Variants in DRC7 observed in about 807,000 individuals in gnomAD.
DRC7 encodes the protein dynein regulatory complex subunit 7.
A neutral mutation model predicts 104.4 loss-of-function variants in DRC7; 80 were observed. That is an observed-to-expected ratio of 0.77 (90% confidence interval 0.64 to 0.92). The LOEUF is 0.92. DRC7 is among the 40% of genes least tolerant of loss of function. The pLI is 0.00. For missense variants in DRC7, 1,034 were observed against 1,141.1 expected (o/e 0.91, Z 1.35); for synonymous variants, 405 against 447.3 (o/e 0.91, Z 1.19).
chr16:57,703,754 C>T lies in DRC7; in HGVS notation c.700-1122C>T, dbSNP rs150441500. ...GGCTGAGGCAAGTGGACCACTTGAG[C>T]GCAGGAGTTCCAGACCAGCCTGGCC... On this transcript the variant is annotated intron_variant, in intron 6 of 18. Coordinates refer to ENST00000360716, the MANE Select transcript of DRC7 (RefSeq NM_001289162.2). Among the ~76,000 whole-genome samples, 305 of 152,098 alleles carry T rather than the reference C, an allele frequency of 2.0e-3. 1 individual carries two copies. Among genetic ancestry groups the T allele is most frequent in the African/African-American group, 6.9e-3 (288 of 41,510 alleles).
chr16:57,726,953 G>A lies in DRC7; in HGVS notation c.2085+11G>A, dbSNP rs766727134. ...GAGTCAGAGCTGGAGGTAGGGTCCT[G>A]TGGGAGAGTGAGCAGGTGGGCGGTA... On this transcript the variant is annotated intron_variant, in intron 15 of 18. Coordinates refer to ENST00000360716, the MANE Select transcript of DRC7 (RefSeq NM_001289162.2). 15 of 1,534,456 alleles carry A rather than the reference G, an allele frequency of 9.8e-6. No homozygotes were observed. The highest frequency in any genetic ancestry group is 1.4e-5 in the Non-Finnish European group (15 of 1,109,296).
intron 13 of DRC7, chr16:57,725,667 C>CT (rs1351744918): frequency 1.0e-5 from 2 of 193,926 alleles, no homozygotes; most frequent in Non-Finnish European, 2.1e-5. Context: ...GTATTACCCA[C>CT]TTAACATGAA....
At chr16:57,726,011 A>G (rs1313752193) in intron 13 of DRC7, 57 bp from the exon 14 acceptor site, 2 of 1,490,574 alleles carry the variant, frequency 1.3e-6, no homozygotes, top group Non-Finnish European at 1.8e-6. Context: ...GCATGCACAG[A>G]AATCTCCTCT....
rs766924177 is a variant in DRC7 at position 57,698,863 on chromosome 16, G to C, written c.217G>C (p.Asp73His). Reference sequence around the variant, plus strand: ...GTTGTGGCACAGGGCCTTTACCAAGGACACTATTGACATCTCCAAGCTGCC... The same window carrying C: ...GTTGTGGCACAGGGCCTTTACCAAGCACACTATTGACATCTCCAAGCTGCC... ...VSAELPAFTK[D>H]TIDISKLPIS... Residue 73 changes from aspartate (D) to histidine (H), a missense_variant, in exon 4 of 19, where the codon GAC (aspartate) becomes CAC (histidine). Coordinates refer to ENST00000360716, the MANE Select transcript of DRC7 (RefSeq NM_001289162.2). The C allele has an allele frequency of 7.4e-6, 12 of 1,613,816 alleles. No homozygotes were observed. In the African/African-American group the frequency reaches 9.3e-5, roughly 13 times the overall value.
At chr16:57,704,376 T>TACACACAC (rs55873452) in intron 6 of DRC7, among the ~76,000 whole-genome samples, 2,178 of 149,068 alleles carry the variant, frequency 0.015, 49 homozygotes, top group African/African-American at 0.047. Flanking sequence ...CACGCAAGCG[T>TACACACAC]ACACACACAC....
At chr16:57,699,127 G>A (rs146700123) in intron 4 of DRC7, 103 bp downstream of exon 4, 8 of 1,382,062 alleles carry the variant, frequency 5.8e-6, no homozygotes, top group Admixed American at 2.0e-5. Flanking sequence ...GCCAAATCAC[G>A]GACCTCCTGT....
In DRC7 at chr16:57,722,744, G is replaced by A. The variant is rs1474130639; in HGVS notation, c.1311G>A (p.Lys437=). Reference sequence around the variant, plus strand: ...AGACCCGCTGCCCGAACGGGAAGAAGGTGATTCAGTACAAGAGGGCAAAGC... The same window carrying A: ...AGACCCGCTGCCCGAACGGGAAGAAAGTGATTCAGTACAAGAGGGCAAAGC... The part of the protein sequence containing the change: ...AFETRCPNGK[K]VIQYKRAKLE... Residue 437 remains lysine, a synonymous_variant, in exon 11 of 19, where the codon AAG becomes AAA. Transcript: ENST00000360716. 1.9e-6 allele frequency: 3 copies of A among 1,613,754 alleles called. No individual in the cohort carries two copies. Among genetic ancestry groups the A allele is most frequent in the Non-Finnish European group, 2.5e-6 (3 of 1,180,022 alleles).
At chr16:57,698,308 G>A (rs1360958946) in intron 3 of DRC7, among the ~76,000 whole-genome samples, 156 bp downstream of exon 3, 2 of 152,126 alleles carry the variant, frequency 1.3e-5, no homozygotes, top group Non-Finnish European at 2.9e-5. Flanking sequence ...GGCCTGGGCC[G>A]AGTGTCCATG....
Position 57,721,647 on chromosome 16 carries a change from AC to A in DRC7, c.1207-15del. 6.3e-7 allele frequency: 1 copy of A among 1,596,740 alleles called. No homozygotes were observed. The highest frequency in any genetic ancestry group is 1.3e-5 in the African/African-American group (1 of 74,164). On this transcript the variant is annotated intron_variant, in intron 9 of 18. Transcript: ENST00000360716. The stretch of plus-strand genomic sequence containing the variant: ...CACCCTGACCAGCACCACCTCCCCC[AC>A]CCCCTTCTCTCCCATCAGGGCAAGG...
chr16:57,710,537 C>G (rs1324683999), intron 8 of DRC7, among the ~76,000 whole-genome samples: 1 of 152,132 alleles, frequency 6.6e-6, no homozygotes, highest in Non-Finnish European at 1.5e-5. Flanking sequence ...AAATGTTAAA[C>G]AGAAGTGATG....
At chr16:57,708,296 A>G (rs1197413817) in intron 8 of DRC7, among the ~76,000 whole-genome samples, 2 of 152,172 alleles carry the variant, frequency 1.3e-5, no homozygotes, top group Admixed American at 6.5e-5. Context: ...GTTAAGCACT[A>G]TCTTGACTTC....
chr16:57,700,174 A>C lies in DRC7; in HGVS notation c.408A>C (p.Thr136=), dbSNP rs1567871784. The C allele has an allele frequency of 1.2e-6, 2 of 1,612,860 alleles. No individual in the cohort carries two copies. Among genetic ancestry groups the C allele is most frequent in the Non-Finnish European group, 1.7e-6 (2 of 1,179,612 alleles). Residue 136 remains threonine, a synonymous_variant, in exon 5 of 19, where the codon ACA becomes ACC. Coordinates refer to ENST00000360716, the MANE Select transcript of DRC7 (RefSeq NM_001289162.2). The stretch of plus-strand genomic sequence containing the variant: ...TCGTGAGCACAACCCTCCGGCCCAC[A>C]CTGATGCCCTACCCCGAGCTCTACA... ...PKFVSTTLRP[T]LMPYPELYNW...
intron 12 of DRC7, among the ~76,000 whole-genome samples, chr16:57,723,589 A>G (rs1288227830): frequency 1.3e-5 from 2 of 152,080 alleles, no homozygotes; most frequent in African/African-American, 4.8e-5. Flanking sequence ...TTAGCCAGGC[A>G]TGGTGGCATG....
At chr16:57,729,057 G>GGTGA (rs59677714) in intron 17 of DRC7, among the ~76,000 whole-genome samples, 48,258 of 144,136 alleles carry the variant, frequency 0.33, 10,765 homozygotes, top group African/African-American at 0.62. Context: ...TGGGTGGGTG[G>GGTGA]GTGAGTGAGT....
chr16:57,700,514 G>A (rs1467640544), intron 5 of DRC7, among the ~76,000 whole-genome samples: 2 of 152,238 alleles, frequency 1.3e-5, no homozygotes, highest in East Asian at 3.9e-4. Flanking sequence ...GGGCGTGGTG[G>A]CACATGCCTG....
chr16:57,728,759 C>T (rs1428998496), intron 17 of DRC7, among the ~76,000 whole-genome samples, 175 bp downstream of exon 17: 3 of 121,902 alleles, frequency 2.5e-5, no homozygotes, highest in South Asian at 2.8e-4. Context: ...ACTTGTTTAT[C>T]GGATAGATGA....
intron 7 of DRC7, among the ~76,000 whole-genome samples, chr16:57,705,307 C>T (rs746653773): frequency 6.6e-6 from 1 of 151,970 alleles, no homozygotes; most frequent in African/African-American, 2.4e-5. Flanking sequence ...GCTCTAGACT[C>T]TTACTGGGGA....
intron 11 of DRC7, 59 bp from the exon 12 acceptor site, chr16:57,722,942 AG>A (rs1282244247): frequency 1.9e-6 from 3 of 1,612,766 alleles, no homozygotes; most frequent in African/African-American, 1.3e-5. Flanking sequence ...GCCTGGAATA[AG>A]GGGGGTTGAA....
Position 57,698,078 on chromosome 16 carries a change from C to G in DRC7, c.129C>G (p.Thr43=). The part of the protein sequence containing the change: ...RPVEVRKEEI[T]LKQETLRDLE... Reference sequence around the variant, plus strand: ...TTGAGGTGCGGAAGGAGGAAATCACCTTAAAGCAGGAGACGCTCAGAGACC... The same window carrying G: ...TTGAGGTGCGGAAGGAGGAAATCACGTTAAAGCAGGAGACGCTCAGAGACC... The change falls in exon 3 of 19, where the codon ACC becomes ACG. Residue 43 remains threonine (T), a synonymous_variant. Transcript: ENST00000360716. 1 of 1,614,136 alleles carries G rather than the reference C, an allele frequency of 6.2e-7. No individual in the cohort carries two copies. The highest frequency in any genetic ancestry group is 8.5e-7 in the Non-Finnish European group (1 of 1,180,030).
Sources: gnomAD v4.1 joint callset for allele counts (sites outside exome capture counted in the v4.1 genomes callset) on GRCh38, gnomAD v4.1.1 for gene constraint, MANE v1.5 for transcripts, NCBI Gene and HGNC (gene_info 2026-07-23, HGNC 2026-07-21) for gene names.